Variants in ABHD18 observed in about 807,000 individuals in gnomAD.
The protein encoded by ABHD18 is cardiolipin-specific deacylase, mitochondrial.
ABHD18 carries 55 observed loss-of-function variants against 65.9 expected under a neutral mutation model. The ratio of observed to expected loss-of-function variants is 0.84; its 90% CI spans 0.67 to 1.05. The LOEUF (loss-of-function observed/expected upper bound fraction) is 1.05. ABHD18 is among the 50% of genes least tolerant of loss of function. The pLI, the probability that ABHD18 is intolerant of heterozygous loss-of-function variation, is 0.00. For synonymous variants in ABHD18, 181 were observed against 180.2 expected (o/e 1.00, Z -0.04); for missense variants, 533 against 558.5 (o/e 0.95, Z 0.46).
chr4:127,981,820 G>A (rs72618807), intron 1 of ABHD18, among the ~76,000 whole-genome samples: 1 of 152,088 alleles, frequency 6.6e-6, no homozygotes, highest in Non-Finnish European at 1.5e-5. Context: ...AGAGAGATGG[G>A]TGCTATTAAA....
chr4:128,029,562 G>T (rs1265045924), intron 11 of ABHD18, among the ~76,000 whole-genome samples: 1 of 152,112 alleles, frequency 6.6e-6, no homozygotes, highest in Non-Finnish European at 1.5e-5. Flanking sequence ...AGTGGATCAC[G>T]CCTGTAATCC....
intron 1 of ABHD18, among the ~76,000 whole-genome samples, chr4:127,971,277 A>G (rs1034991747): frequency 5.9e-5 from 9 of 151,444 alleles, no homozygotes; most frequent in Admixed American, 6.6e-5. Context: ...AAAAAAGACA[A>G]TGAAGTCTTG....
chr4:127,996,915 C>T (rs187714319), intron 4 of ABHD18, among the ~76,000 whole-genome samples: 17 of 152,320 alleles, frequency 1.1e-4, no homozygotes, highest in African/African-American at 2.9e-4. Flanking sequence ...CCCTGAAAAT[C>T]GCTGTTGTTC....
chr4:127,967,585 C>A (rs1443722079), intron 1 of ABHD18, among the ~76,000 whole-genome samples: 3 of 152,032 alleles, frequency 2.0e-5, no homozygotes, highest in Non-Finnish European at 4.4e-5. Flanking sequence ...GGAATCCCAG[C>A]CCTCTGACAC....
At position 127,972,833 on chromosome 4, in the gene ABHD18, G is replaced by A. The variant is rs568958473; in HGVS notation, c.-18+7227G>A. ...AAAGTAGAAAATATATAATTAAGAC[G>A]CATTTCAGAAGTTAGTTTGCCTTTT... is the stretch of plus-strand genomic sequence containing the variant. On this transcript the variant is annotated intron_variant, in intron 1 of 12. Transcript: ENST00000645843. 9.9e-5 allele frequency among the ~76,000 whole-genome samples: 15 copies of A among 152,054 alleles called. No individual in the cohort carries two copies. In the South Asian group the frequency reaches 2.3e-3, roughly 23 times the overall value.
intron 4 of ABHD18, among the ~76,000 whole-genome samples, chr4:127,992,716 T>G (rs1751125070): frequency 6.6e-6 from 1 of 151,378 alleles, no homozygotes. Flanking sequence ...TTTTTTTTAG[T>G]TTTTTTTGTA....
chr4:127,965,610 A>C lies in ABHD18; in HGVS notation c.-18+4A>C, dbSNP rs1328974102. 3 of 233,258 alleles carry C rather than the reference A, an allele frequency of 1.3e-5. No homozygotes were observed. Among genetic ancestry groups the C allele is most frequent in the Admixed American group, 5.2e-5 (1 of 19,150 alleles). The allele number at this position is 233,258 out of a possible 1,614,324, so 14.4% of individuals were successfully genotyped here. A position where few individuals can be genotyped will look rare whatever the true frequency, so the allele number is the denominator to read the frequency against. ...GCAGGCTTCCACCTGGCGGCCAGTA[A>C]GTAGCCGGTCCGGTTAAGTAGTAGG... On this transcript the variant is annotated splice_donor_region_variant and intron_variant, in intron 1 of 12. Transcript: ENST00000645843.
chr4:128,010,190 T>C lies in ABHD18; in HGVS notation c.442+999T>C, dbSNP rs191297713. Among the ~76,000 whole-genome samples the C allele has an allele frequency of 2.5e-3, 388 of 152,318 alleles. 1 individual carries two copies. Among genetic ancestry groups the C allele is most frequent in the South Asian group, 0.017 (80 of 4,830 alleles). ...AGCATTCAGTAAGTTTTAACTGTTATTATTAAAAAGTTTACAATAATGTAT... is the reference window on the plus strand; with the variant it reads ...AGCATTCAGTAAGTTTTAACTGTTACTATTAAAAAGTTTACAATAATGTAT... On this transcript the variant is annotated intron_variant, in intron 6 of 12. Transcript: ENST00000645843.
chr4:127,979,528 G>C (rs374616947), intron 1 of ABHD18, among the ~76,000 whole-genome samples: 1 of 151,922 alleles, frequency 6.6e-6, no homozygotes, highest in African/African-American at 2.4e-5. Flanking sequence ...GCACTCTAGC[G>C]TGGGCGACAA....
Position 128,030,601 on chromosome 4 carries a change from G to A in ABHD18, c.1272G>A (p.Trp424Ter), listed in dbSNP as rs934901153. The A allele has an allele frequency of 1.9e-6, 3 of 1,607,674 alleles. No individual in the cohort carries two copies. In the African/African-American group the frequency reaches 4.0e-5, roughly 22 times the overall value. The change falls in exon 12 of 13, where the codon TGG becomes TGA. Residue 424 changes from tryptophan (W) to a stop codon, truncating the protein, a stop_gained. Transcript: ENST00000645843. LOFTEE classifies it high-confidence loss of function. ...RTGVRSLQEI[W>*]PGCEIRYLEG... ...GAGTTCGAAGTTTACAAGAAATTTG[G>A]CCTGGTTGTGAAATCCGATACTTAG...
At chr4:127,974,370 A>C (rs1206381108) in intron 1 of ABHD18, among the ~76,000 whole-genome samples, 1 of 150,016 alleles carries the variant, frequency 6.7e-6, no homozygotes, top group Admixed American at 6.7e-5. Context: ...ACTGCACCCA[A>C]CTGTATTATT....
intron 1 of ABHD18, among the ~76,000 whole-genome samples, chr4:127,982,431 T>C (rs1347596945): frequency 6.6e-6 from 1 of 152,190 alleles, no homozygotes; most frequent in African/African-American, 2.4e-5. Context: ...TAGTTAGATG[T>C]TGAGCTGTGT....
intron 10 of ABHD18, 150 bp downstream of exon 10, chr4:128,021,388 G>T: frequency 1.8e-6 from 1 of 558,752 alleles, no homozygotes; most frequent in Admixed American, 3.1e-5. Context: ...TTTTGTCTGG[G>T]CATGGTGGGT....
At chr4:128,022,097 G>C (rs1756591766) in intron 10 of ABHD18, among the ~76,000 whole-genome samples, 1 of 152,136 alleles carries the variant, frequency 6.6e-6, no homozygotes, top group South Asian at 2.1e-4. Context: ...CGGGCTAGGG[G>C]AAGGATAGCA....
At chr4:127,968,705 CTG>C (rs1285119368) in intron 1 of ABHD18, among the ~76,000 whole-genome samples, 2 of 152,260 alleles carry the variant, frequency 1.3e-5, no homozygotes, top group African/African-American at 2.4e-5. Flanking sequence ...ACATTGATAA[CTG>C]TGTCATTTTA....
At chr4:128,016,690 G>A (rs544181022) in intron 7 of ABHD18, among the ~76,000 whole-genome samples, 60 of 141,974 alleles carry the variant, frequency 4.2e-4, no homozygotes, top group Non-Finnish European at 6.8e-4. Context: ...CAGGAGAATC[G>A]CTTGAACCCT....
At chr4:128,022,239 C>G (rs1273538080) in intron 10 of ABHD18, among the ~76,000 whole-genome samples, 3 of 152,184 alleles carry the variant, frequency 2.0e-5, no homozygotes, top group African/African-American at 7.2e-5. Context: ...AATAAAAAAT[C>G]AATCAATCAA....
chr4:127,996,687 G>A (rs776511447), intron 4 of ABHD18, among the ~76,000 whole-genome samples: 1 of 152,110 alleles, frequency 6.6e-6, no homozygotes, highest in African/African-American at 2.4e-5. Context: ...GGACACCAGG[G>A]CATATTTCAG....
intron 1 of ABHD18, among the ~76,000 whole-genome samples, chr4:127,977,403 C>G (rs1411995620): frequency 6.6e-6 from 1 of 152,186 alleles, no homozygotes; most frequent in East Asian, 1.9e-4. Context: ...ACCTGGGAGG[C>G]AGAGGTTGCA....
Sources: allele counts gnomAD v4.1 joint callset (sites outside exome capture counted in the v4.1 genomes callset), GRCh38; gene constraint gnomAD v4.1.1; transcripts MANE v1.5; gene names NCBI Gene and HGNC (gene_info 2026-07-23, HGNC 2026-07-21).